Variants in SH3TC2 observed in about 807,000 individuals in gnomAD.
SH3TC2 encodes SH3 domain and tetratricopeptide repeats 2.
A neutral mutation model predicts 124.5 loss-of-function variants in SH3TC2; 87 were observed. The ratio of observed to expected loss-of-function variants is 0.70; its 90% CI spans 0.59 to 0.84. SH3TC2 has a LOEUF of 0.84. SH3TC2 is among the 40% of genes least tolerant of loss of function. The probability of loss-of-function intolerance (pLI) is 0.00; values close to 1 mark genes in which losing one functional copy is unlikely to be tolerated. For synonymous variants in SH3TC2, 634 were observed against 628.5 expected (o/e 1.01, Z -0.13); for missense variants, 1,536 against 1,566.4 (o/e 0.98, Z 0.33).
intron 12 of SH3TC2, 81 bp downstream of exon 12, chr5:149,026,491 A>T: frequency 6.4e-7 from 1 of 1,557,158 alleles, no homozygotes; most frequent in South Asian, 1.1e-5. Context: ...GTACATTTGG[A>T]CTTGCTTCCT....
chr5:148,993,260 T>G lies in SH3TC2; in HGVS notation c.*11451A>C, dbSNP rs1041755713. On this transcript the variant is annotated 3_prime_UTR_variant, in exon 17 of 17. Transcript: ENST00000515425. ...ATCAATCAAATTTAAACCAGGAAAA[T>G]TTGACTTAGTAGAAATAAAACTACG... Among the ~76,000 whole-genome samples, 1 of 152,154 alleles carries G rather than the reference T, an allele frequency of 6.6e-6. No individual in the cohort carries two copies. Among genetic ancestry groups the G allele is most frequent in the South Asian group, 2.1e-4 (1 of 4,812 alleles).
chr5:149,040,958 A>C (rs1393923704), intron 6 of SH3TC2, among the ~76,000 whole-genome samples: 4 of 152,204 alleles, frequency 2.6e-5, no homozygotes, highest in Non-Finnish European at 5.9e-5. Context: ...CCAGAGCCAC[A>C]CAGGTCCATG....
chr5:149,047,901 T>G lies in SH3TC2; in HGVS notation c.240A>C (p.Ala80=). The change falls in exon 3 of 17, where the codon GCA becomes GCC. Residue 80 remains alanine, a synonymous_variant. Transcript: ENST00000515425. ...GCACCTCCTGGTCCTCATTCTCCAG[T>G]GCCCAGAGCCGCCTCCGAGCAGCTT... ...LQEAARRRLW[A]LENEDQEVRM... is the part of the protein sequence containing the mutation. The G allele has an allele frequency of 6.2e-7, 1 of 1,614,152 alleles. No individual in the cohort carries two copies. The highest frequency in any genetic ancestry group is 8.5e-7 in the Non-Finnish European group (1 of 1,180,004).
rs56309414 is a variant in SH3TC2 at position 148,996,463 on chromosome 5, C to G, written c.*8248G>C. ...CCTTTCCCTCCACCCACTACAGCCC[C>G]AAAGCTACATGTTCTAGAACAGACA... On this transcript the variant is annotated 3_prime_UTR_variant, in exon 17 of 17. Coordinates refer to ENST00000515425, the MANE Select transcript of SH3TC2 (RefSeq NM_024577.4). Among the ~76,000 whole-genome samples, 34,379 of 152,074 alleles carry G rather than the reference C, an allele frequency of 0.23. 4,348 individuals are homozygous for G. Among genetic ancestry groups the G allele is most frequent in the African/African-American group, 0.31 (12,808 of 41,456 alleles).
intron 1 of SH3TC2, chr5:149,062,342 T>A: frequency 1.9e-6 from 1 of 532,964 alleles, no homozygotes; most frequent in East Asian, 5.5e-5. Flanking sequence ...CCAGCCTGGT[T>A]GGCCTGGAAC....
At position 149,004,992 on chromosome 5, in the gene SH3TC2, TTTTGTTTGTTTG is replaced by T. The variant is rs71274358; in HGVS notation, c.3676-102_3676-91del. 10 of 1,407,298 alleles carry T rather than the reference TTTTGTTTGTTTG, an allele frequency of 7.1e-6. No individual in the cohort carries two copies. The East Asian group carries it at 1.8e-4, about 26-fold the overall frequency. 87.2% of individuals were successfully genotyped at this position (1,407,298 alleles called of 1,614,324 possible). A position where few individuals can be genotyped will look rare whatever the true frequency, so the allele number is the denominator to read the frequency against. The stretch of plus-strand genomic sequence containing the variant: ...AGGCTGTGCTGGCCACTCTAGTTTT[TTTTGTTTGTTTG>T]TTTGTTTGTTTGTTTGCCCAACATC... On this transcript the variant is annotated intron_variant, in intron 16 of 16. Coordinates refer to ENST00000515425, the MANE Select transcript of SH3TC2 (RefSeq NM_024577.4).
chr5:148,997,419 G>A lies in SH3TC2; in HGVS notation c.*7292C>T, dbSNP rs1347130. On this transcript the variant is annotated 3_prime_UTR_variant, in exon 17 of 17. Coordinates refer to ENST00000515425, the MANE Select transcript of SH3TC2 (RefSeq NM_024577.4). ...TCCTTCTATTTTCCATTTGGGAAAT[G>A]CAGTCTCTCTTTTTTTCTAGGCTAA... Among the ~76,000 whole-genome samples the A allele has an allele frequency of 0.49, 74,333 of 152,024 alleles. 18,719 individuals are homozygous for A. The highest frequency in any genetic ancestry group is 0.6 in the African/African-American group (24,999 of 41,468).
rs1324834737 is a variant in SH3TC2, at chr5:148,985,611, T to C, written c.*19100A>G. Among the ~76,000 whole-genome samples, 1 of 152,216 alleles carries C rather than the reference T, an allele frequency of 6.6e-6. No homozygotes were observed. The highest frequency in any genetic ancestry group is 1.5e-5 in the Non-Finnish European group (1 of 68,034). ...CATAGTTTGTTTATCCATTTCCCAG[T>C]TTGAAGACATTGGGTTGTTCCAATT... On this transcript the variant is annotated 3_prime_UTR_variant, in exon 17 of 17. Transcript: ENST00000515425.
In SH3TC2 at chr5:149,028,756, G is replaced by C. The variant is rs755544648; in HGVS notation, c.1136-38C>G. The stretch of plus-strand genomic sequence containing the variant: ...GAAGAACAGGTCTGGTGTTAGGTCA[G>C]GATGGGCCACCATGCCCATGCCTCC... On this transcript the variant is annotated intron_variant, in intron 9 of 16. Transcript: ENST00000515425. 55 of 1,612,560 alleles carry C rather than the reference G, an allele frequency of 3.4e-5. 1 individual carries two copies. In the Admixed American group the frequency reaches 9.0e-4, roughly 26 times the overall value.
rs748990647 is a variant in SH3TC2 at position 149,041,395 on chromosome 5, A to G, written c.731+21T>C. The G allele has an allele frequency of 3.7e-6, 6 of 1,611,658 alleles. No individual in the cohort carries two copies. The Admixed American group carries it at 6.7e-5, about 18-fold the overall frequency. On this transcript the variant is annotated intron_variant, in intron 6 of 16. Transcript: ENST00000515425. ...TCAGTCTGCTCTGGGACTTGCTCCC[A>G]GGAGGCAGATGGCTACTCACTGGTG...
intron 9 of SH3TC2, among the ~76,000 whole-genome samples, chr5:149,029,810 G>A (rs1323078977): frequency 6.6e-6 from 1 of 152,126 alleles, no homozygotes; most frequent in Non-Finnish European, 1.5e-5. Context: ...CAACCACAGT[G>A]GAACTGTGGA....
intron 12 of SH3TC2, among the ~76,000 whole-genome samples, chr5:149,020,841 C>A (rs535004683): frequency 1.9e-4 from 29 of 152,210 alleles, no homozygotes; most frequent in Non-Finnish European, 2.9e-4. Context: ...GAGAGATAGA[C>A]AACTCAACAA....
At position 149,008,970 on chromosome 5, in the gene SH3TC2, T is replaced by C; in HGVS notation, c.3359A>G (p.Lys1120Arg). ...AGAVPLARRL[K>R]AVRTELRIFN... is the part of the protein sequence containing the mutation. ...AATCCGGAGCTCAGTTCTCACCGCC[T>C]TCAACCTCCTTGCTAAAGGAACAGC... is the stretch of plus-strand genomic sequence containing the variant. The change falls in exon 15 of 17, where the codon AAG becomes AGG. Residue 1120 changes from lysine (K) to arginine (R), a missense_variant. Around this residue, in one of 3 missense-constraint regions of SH3TC2, gnomAD observed 426 missense variants for 443.5 expected, o/e 0.96. Transcript: ENST00000515425. 6.2e-7 allele frequency: 1 copy of C among 1,614,184 alleles called. No homozygotes were observed. Among genetic ancestry groups the C allele is most frequent in the Non-Finnish European group, 8.5e-7 (1 of 1,180,040 alleles).
intron 2 of SH3TC2, among the ~76,000 whole-genome samples, chr5:149,050,293 C>T (rs1390640014): frequency 6.6e-6 from 1 of 152,170 alleles, no homozygotes; most frequent in Non-Finnish European, 1.5e-5. Flanking sequence ...TATTGTGTCA[C>T]AGATTAATCC....
chr5:148,996,600 T>G lies in SH3TC2; in HGVS notation c.*8111A>C, dbSNP rs17109205. Among the ~76,000 whole-genome samples the G allele has an allele frequency of 0.24, 36,260 of 152,098 alleles. 4,949 individuals carry two copies. The highest frequency in any genetic ancestry group is 0.35 in the African/African-American group (14,631 of 41,448). On this transcript the variant is annotated 3_prime_UTR_variant, in exon 17 of 17. Coordinates refer to ENST00000515425, the MANE Select transcript of SH3TC2 (RefSeq NM_024577.4). ...CAGCTCCCCTGAGGAGGAAAGCAGA[T>G]GTAGCCATTGTCACTGCTTGCTGTC...
At chr5:149,012,517 G>C (rs1016911150) in intron 13 of SH3TC2, 67 bp downstream of exon 13, 3 of 1,595,394 alleles carry the variant, frequency 1.9e-6, no homozygotes, top group South Asian at 1.1e-5. Context: ...GGTTGATTTG[G>C]AGGGTACAGC....
chr5:149,060,149 T>C (rs761039014), intron 1 of SH3TC2, among the ~76,000 whole-genome samples: 3 of 152,218 alleles, frequency 2.0e-5, no homozygotes, highest in Non-Finnish European at 4.4e-5. Flanking sequence ...CTTCCACATC[T>C]TCTATTTAAG....
intron 1 of SH3TC2, among the ~76,000 whole-genome samples, chr5:149,054,140 A>G (rs886982094): frequency 6.6e-6 from 1 of 152,354 alleles, no homozygotes; most frequent in South Asian, 2.1e-4. Context: ...CTATATCAAA[A>G]TATCTCATGT....
In SH3TC2 at chr5:148,989,145, T is replaced by C. The variant is rs569309871; in HGVS notation, c.*15566A>G. Among the ~76,000 whole-genome samples, 1 of 152,344 alleles carries C rather than the reference T, an allele frequency of 6.6e-6. No individual in the cohort carries two copies. Among genetic ancestry groups the C allele is most frequent in the Admixed American group, 6.5e-5 (1 of 15,308 alleles). ...TTCCTTGAGTTCCTTTTGGAGTCAT[T>C]GAATTCCCTTTTTGAGTCTTTTTTC... On this transcript the variant is annotated 3_prime_UTR_variant, in exon 17 of 17. Transcript: ENST00000515425.
Sources: gnomAD v4.1 joint callset for allele counts (sites outside exome capture counted in the v4.1 genomes callset) on GRCh38, gnomAD v4.1.1 for gene constraint, gnomAD v4.1.1 regional missense constraint, MANE v1.5 for transcripts, NCBI Gene and HGNC (gene_info 2026-07-23, HGNC 2026-07-21) for gene names.